The following DDX39B variants were observed in gnomAD, a reference collection of about 807,000 sequenced individuals.
DDX39B encodes the protein DExD-box helicase 39B.
A neutral mutation model predicts 46.4 loss-of-function variants in DDX39B; 6 were observed. That is an observed-to-expected ratio of 0.13 (90% confidence interval 0.07 to 0.26). The LOEUF is 0.26. Among genes scored for constraint, DDX39B ranks in the 10% least tolerant of loss-of-function variants. DDX39B has a pLI of 1.00. For synonymous variants in DDX39B, 174 were observed against 199.4 expected (o/e 0.87, Z 1.07); for missense variants, 185 against 553.4 (o/e 0.33, Z 6.68).
chr6:31,539,362 A>C (rs1768143920), intron 2 of DDX39B, 88 bp from the exon 3 acceptor site: 2 of 1,538,764 alleles, frequency 1.3e-6, no homozygotes, highest in African/African-American at 1.4e-5. Context: ...ATTTCTTACC[A>C]CTCAATTCTC....
Position 31,532,764 on chromosome 6 carries a change from T to C in DDX39B, c.867+16A>G, listed in dbSNP as rs749880756. 9.3e-6 allele frequency: 15 copies of C among 1,609,790 alleles called. No homozygotes were observed. Among genetic ancestry groups the C allele is most frequent in the Non-Finnish European group, 6.8e-6 (8 of 1,179,190 alleles). ...AGTGCTCCAATGCTCATCCCCCTAC[T>C]GGACGTCTAACTGACCTGGTTGAAC... On this transcript the variant is annotated intron_variant, in intron 7 of 10. Coordinates refer to ENST00000396172, the MANE Select transcript of DDX39B (RefSeq NM_004640.7).
At position 31,536,654 on chromosome 6, in the gene DDX39B, G is replaced by C. The variant is rs1191236674; in HGVS notation, c.462C>G (p.Ile154Met). Residue 154 changes from isoleucine (I) to methionine (M), a missense_variant, in exon 5 of 11, where the codon ATC (isoleucine) becomes ATG (methionine). Ile to Met is a conservative substitution (Grantham distance 10, BLOSUM62 1). Around this residue, in one of 5 missense-constraint regions of DDX39B, gnomAD observed 110 missense variants for 282.2 expected, o/e 0.39. Transcript: ENST00000396172. ...TCTTCAGCACCTCTTCATCCTTCTT[G>C]ATAGACAGACCACCAAAAAAAACAG... ...KVAVFFGGLS[I>M]KKDEEVLKKN... The C allele has an allele frequency of 1.2e-6, 2 of 1,612,866 alleles. No individual in the cohort carries two copies. The highest frequency in any genetic ancestry group is 1.7e-6 in the Non-Finnish European group (2 of 1,179,988).
chr6:31,530,495 G>T lies in DDX39B; in HGVS notation c.1271-45C>A. The T allele has an allele frequency of 6.2e-7, 1 of 1,612,356 alleles. No individual in the cohort carries two copies. The stretch of plus-strand genomic sequence containing the variant: ...TGGTCAGAATAAGGCATGAAAAGGG[G>T]AAAGTGAGGCAGGAACACACGGCAC... On this transcript the variant is annotated intron_variant, in intron 10 of 10. Transcript: ENST00000396172. The surrounding 1 kb of genome is among the most constrained non-coding windows in gnomAD (Gnocchi z 4.5).
intron 1 of DDX39B, chr6:31,541,353 CAG>C (rs1186663905): frequency 2.6e-6 from 1 of 377,580 alleles, no homozygotes; most frequent in Non-Finnish European, 5.4e-6. Context: ...TAATAGGTGA[CAG>C]AGAAAGGCAA....
chr6:31,533,252 T>C (rs983236828), intron 6 of DDX39B: 1 of 270,252 alleles, frequency 3.7e-6, no homozygotes, highest in Non-Finnish European at 7.4e-6. Context: ...TGGGAGATGA[T>C]TCTCAAAGGG....
intron 1 of DDX39B, 32 bp downstream of exon 1, chr6:31,541,918 G>A (rs567126491): frequency 1.4e-5 from 9 of 640,544 alleles, no homozygotes; most frequent in Admixed American, 2.4e-5. Context: ...AAGCGCAGAT[G>A]GAAACGGATT....
Position 31,530,766 on chromosome 6 carries a change from G to T in DDX39B, c.1270+13C>A, listed in dbSNP as rs1442314626. The T allele has an allele frequency of 6.2e-7, 1 of 1,610,468 alleles. No homozygotes were observed. The highest frequency in any genetic ancestry group is 1.7e-5 in the Admixed American group (1 of 60,018). ...AGGGAGGACCTAAAGGGTTTCATGAGATCAGTACTCACTGTAGGAGGAGAT... is the reference window on the plus strand; with the variant it reads ...AGGGAGGACCTAAAGGGTTTCATGATATCAGTACTCACTGTAGGAGGAGAT... On this transcript the variant is annotated intron_variant, in intron 10 of 10. Coordinates refer to ENST00000396172, the MANE Select transcript of DDX39B (RefSeq NM_004640.7). This position sits in a 1 kb window ranked among gnomAD's most constrained non-coding sequence, Gnocchi z 4.5.
At chr6:31,537,873 T>TA (rs557348832) in intron 4 of DDX39B, among the ~76,000 whole-genome samples, 55 of 149,948 alleles carry the variant, frequency 3.7e-4, no homozygotes, top group East Asian at 1.2e-3. Flanking sequence ...CTGTCACTAC[T>TA]AAAAAAAAAC....
chr6:31,531,502 C>T lies in DDX39B; in HGVS notation c.868-97G>A, dbSNP rs1767158442. 7.2e-6 allele frequency: 7 copies of T among 978,572 alleles called. No individual in the cohort carries two copies. Among genetic ancestry groups the T allele is most frequent in the South Asian group, 1.4e-5 (1 of 69,152 alleles). The allele number at this position is 978,572 out of a possible 1,614,324, so 60.6% of individuals were successfully genotyped here. On this transcript the variant is annotated intron_variant, in intron 7 of 10. Transcript: ENST00000396172. This position sits in a 1 kb window ranked among gnomAD's most constrained non-coding sequence, Gnocchi z 5.8. ...GGGAGAGGGGAGTTTCTAGTAATTA[C>T]GTTCTCAGGAATTCCTCTTCATTTC...
At chr6:31,539,905 T>C (rs1768209136) in intron 2 of DDX39B, among the ~76,000 whole-genome samples, 1 of 152,236 alleles carries the variant, frequency 6.6e-6, no homozygotes, top group South Asian at 2.1e-4. Context: ...TTTGGATCAT[T>C]AGCACTTTGG....
rs1390209603 is a variant in DDX39B at position 31,540,510 on chromosome 6, T to C, written c.23A>G (p.Asn8Ser). The C allele has an allele frequency of 3.1e-6, 5 of 1,614,094 alleles. No individual in the cohort carries two copies. The highest frequency in any genetic ancestry group is 4.2e-6 in the Non-Finnish European group (5 of 1,180,018). MAENDVD[N>S]ELLDYEDDEV... ...ATCATCTTCATAGTCCAAGAGCTCA[T>C]TGTCCACATCGTTCTCTGCCATAAC... The change falls in exon 2 of 11, where the codon AAT becomes AGT. Residue 8 changes from asparagine (N) to serine (S), a missense_variant. Physicochemically the swap from Asn to Ser is conservative, Grantham distance 46. Coordinates refer to ENST00000396172, the MANE Select transcript of DDX39B (RefSeq NM_004640.7).
Position 31,535,314 on chromosome 6 carries a change from G to T in DDX39B, c.735+53C>A. The stretch of plus-strand genomic sequence containing the variant: ...GAGTCTGAGGAAGAGGGCGAGGAAG[G>T]GGAGGAGGCAGCGGGCGGGGAGTGG... On this transcript the variant is annotated intron_variant, in intron 6 of 10. Coordinates refer to ENST00000396172, the MANE Select transcript of DDX39B (RefSeq NM_004640.7). This position sits in a 1 kb window ranked among gnomAD's most constrained non-coding sequence, Gnocchi z 4.6. 6.5e-7 allele frequency: 1 copy of T among 1,543,400 alleles called. No individual in the cohort carries two copies. The highest frequency in any genetic ancestry group is 2.2e-5 in the East Asian group (1 of 44,540).
In DDX39B at chr6:31,535,303, G is replaced by A. The variant is rs748048084; in HGVS notation, c.735+64C>T. 1.3e-6 allele frequency: 2 copies of A among 1,484,902 alleles called. No homozygotes were observed. The highest frequency in any genetic ancestry group is 1.7e-5 in the Admixed American group (1 of 59,752). 92.0% of individuals were successfully genotyped at this position (1,484,902 alleles called of 1,614,324 possible). A position where few individuals can be genotyped will look rare whatever the true frequency, so the allele number is the denominator to read the frequency against. On this transcript the variant is annotated intron_variant, in intron 6 of 10. Transcript: ENST00000396172. This position sits in a 1 kb window ranked among gnomAD's most constrained non-coding sequence, Gnocchi z 4.6. The stretch of plus-strand genomic sequence containing the variant: ...GAATGACAAGGGAGTCTGAGGAAGA[G>A]GGCGAGGAAGGGGAGGAGGCAGCGG...
At chr6:31,532,601 C>T in intron 7 of DDX39B, 179 bp downstream of exon 7, 2 of 718,244 alleles carry the variant, frequency 2.8e-6, no homozygotes, top group Admixed American at 6.0e-5. Flanking sequence ...CCGTGCCAGC[C>T]ATAGAATAGA....
Position 31,535,170 on chromosome 6 carries a change from A to G in DDX39B, c.735+197T>C. On this transcript the variant is annotated intron_variant, in intron 6 of 10. Transcript: ENST00000396172. The surrounding 1 kb of genome is among the most constrained non-coding windows in gnomAD (Gnocchi z 4.6). ...ACATTAACCCGACCAAGTCTTCCGG[A>G]GTTTCCCTGGCACCCGCGCAGGCCC... The G allele has an allele frequency of 1.6e-6, 1 of 619,558 alleles. No homozygotes were observed. Among genetic ancestry groups the G allele is most frequent in the Non-Finnish European group, 2.9e-6 (1 of 344,188 alleles). 38.4% of individuals were successfully genotyped at this position (619,558 alleles called of 1,614,324 possible).
chr6:31,534,906 C>T lies in DDX39B; in HGVS notation c.735+461G>A. On this transcript the variant is annotated intron_variant, in intron 6 of 10. Transcript: ENST00000396172. This position sits in a 1 kb window ranked among gnomAD's most constrained non-coding sequence, Gnocchi z 5.1. ...TTTGTGCTGATGCTCTTCTTTTGGA[C>T]ATGCCCTGCCATCTGTCTGTCCCTC... The T allele has an allele frequency of 3.7e-6, 1 of 267,614 alleles. No individual in the cohort carries two copies. The highest frequency in any genetic ancestry group is 4.0e-5 in the South Asian group (1 of 24,912). The allele number at this position is 267,614 out of a possible 1,614,324, so 16.6% of individuals were successfully genotyped here. A position where few individuals can be genotyped will look rare whatever the true frequency, so the allele number is the denominator to read the frequency against.
chr6:31,536,264 T>G (rs1582949527), intron 5 of DDX39B: 1 of 636,368 alleles, frequency 1.6e-6, no homozygotes, highest in East Asian at 2.8e-5. Flanking sequence ...ATGCCTAAAA[T>G]TATCAAAGTC....
intron 1 of DDX39B, chr6:31,541,056 C>A: frequency 1.9e-6 from 1 of 524,306 alleles, no homozygotes; most frequent in Non-Finnish European, 3.9e-6. Context: ...AGGAAGACTC[C>A]GCTTTCCCTA....
In DDX39B at chr6:31,534,940, T is replaced by C; in HGVS notation, c.735+427A>G. 3.7e-6 allele frequency: 1 copy of C among 269,784 alleles called. No homozygotes were observed. Among genetic ancestry groups the C allele is most frequent in the Non-Finnish European group, 7.3e-6 (1 of 136,062 alleles). 16.7% of individuals were successfully genotyped at this position (269,784 alleles called of 1,614,324 possible). A position where few individuals can be genotyped will look rare whatever the true frequency, so the allele number is the denominator to read the frequency against. ...CCATCTGTCTGTCCCTCTCTTGCTCTCCTGCCACCGGGAAGTAGGAGTTTT... is the reference window on the plus strand; with the variant it reads ...CCATCTGTCTGTCCCTCTCTTGCTCCCCTGCCACCGGGAAGTAGGAGTTTT... On this transcript the variant is annotated intron_variant, in intron 6 of 10. Transcript: ENST00000396172. This position sits in a 1 kb window ranked among gnomAD's most constrained non-coding sequence, Gnocchi z 5.1.
Sources: allele counts gnomAD v4.1 joint callset (sites outside exome capture counted in the v4.1 genomes callset), GRCh38; gene constraint gnomAD v4.1.1; regional missense constraint gnomAD v4.1.1; non-coding constraint Gnocchi (gnomAD v3.1); transcripts MANE v1.5; gene names NCBI Gene and HGNC (gene_info 2026-07-23, HGNC 2026-07-21).